FBXO43: variants seen among roughly 807,000 people sequenced by gnomAD.
FBXO43 encodes F-box protein 43.
A neutral mutation model predicts 56.7 loss-of-function variants in FBXO43; 22 were observed. The observed-to-expected ratio is 0.39, with a 90% CI of 0.28 to 0.55. The LOEUF is 0.55. FBXO43 is among the 20% of genes least tolerant of loss of function. The pLI, the probability that FBXO43 is intolerant of heterozygous loss-of-function variation, is 0.66. For missense variants in FBXO43, 733 were observed against 814.9 expected (o/e 0.90, Z 1.22); for synonymous variants, 306 against 294.5 (o/e 1.04, Z -0.40).
rs201387820 is a variant in FBXO43 at position 100,141,362 on chromosome 8, T to C, written c.892A>G (p.Ile298Val). Residue 298 changes from isoleucine (I) to valine (V), a missense_variant, in exon 2 of 5, where the codon ATA becomes GTA. Coordinates refer to ENST00000428847, the MANE Select transcript of FBXO43 (RefSeq NM_001029860.4). ...AGATTACTTATCGGAGTCACAAATATGTCCTCATCTGTTCCACAAGTTGTT... is the reference window on the plus strand; with the variant it reads ...AGATTACTTATCGGAGTCACAAATACGTCCTCATCTGTTCCACAAGTTGTT... Reference protein sequence around the residue: ...SGTTCGTDEDIFVTPISNLVA... With the variant: ...SGTTCGTDEDVFVTPISNLVA... 47 of 1,613,498 alleles carry C rather than the reference T, an allele frequency of 2.9e-5. 1 individual carries two copies. In the African/African-American group the frequency reaches 4.9e-4, roughly 17 times the overall value.
chr8:100,147,004 C>T (rs1251485171), upstream of FBXO43, among the ~76,000 whole-genome samples: 5 of 152,286 alleles, frequency 3.3e-5, no homozygotes, highest in East Asian at 1.9e-4. Flanking sequence ...CCCGCCACCA[C>T]GCCTAGCTAA....
At chr8:100,143,933 G>A (rs3133669) in intron 1 of FBXO43, among the ~76,000 whole-genome samples, 7,410 of 152,152 alleles carry the variant, frequency 0.049, 539 homozygotes, top group African/African-American at 0.15. Flanking sequence ...GACCACGCCC[G>A]GCTAATTTGT....
Position 100,141,103 on chromosome 8 carries a change from A to G in FBXO43, c.1151T>C (p.Leu384Pro). ...KTRHLGRSRR[L>P]STLREQSSQS... is the part of the protein sequence containing the mutation. ...CGAGCTTTGTTCCCGAAGGGTGGAC[A>G]GTCTTCTCGACCTTCCAAGATGTCT... The change falls in exon 2 of 5, where the codon CTG becomes CCG. Residue 384 changes from leucine to proline, a missense_variant. Coordinates refer to ENST00000428847, the MANE Select transcript of FBXO43 (RefSeq NM_001029860.4). 1.2e-6 allele frequency: 2 copies of G among 1,614,202 alleles called. No homozygotes were observed. The highest frequency in any genetic ancestry group is 1.7e-6 in the Non-Finnish European group (2 of 1,180,036).
Position 100,137,587 on chromosome 8 carries a change from G to A in FBXO43, c.1652C>T (p.Thr551Ile). 6.2e-7 allele frequency: 1 copy of A among 1,610,106 alleles called. No homozygotes were observed. The highest frequency in any genetic ancestry group is 8.5e-7 in the Non-Finnish European group (1 of 1,177,102). ...TACCTCAGAATCTGTTTTCAGTTGTGTGATATAAAATTTCCTCCTCCGATT... is the reference window on the plus strand; with the variant it reads ...TACCTCAGAATCTGTTTTCAGTTGTATGATATAAAATTTCCTCCTCCGATT... ...NANRRRKFYI[T>I]QLKTDSEGAV... The change falls in exon 3 of 5, where the codon ACA (threonine) becomes ATA (isoleucine). Residue 551 changes from threonine to isoleucine, a missense_variant. Coordinates refer to ENST00000428847, the MANE Select transcript of FBXO43 (RefSeq NM_001029860.4).
At chr8:100,143,648 T>TTAATA (rs61306972) in intron 1 of FBXO43, among the ~76,000 whole-genome samples, 65,250 of 151,746 alleles carry the variant, frequency 0.43, 14,747 homozygotes, top group East Asian at 0.61. Flanking sequence ...AAATATTAAA[T>TTAATA]AAGTAGAATG....
chr8:100,137,881 G>C (rs1017887698), intron 2 of FBXO43, among the ~76,000 whole-genome samples: 1 of 152,126 alleles, frequency 6.6e-6, no homozygotes, highest in Non-Finnish European at 1.5e-5. Context: ...GCAATATACA[G>C]ATAGATTACT....
chr8:100,144,673 C>G (rs1236769966), intron 1 of FBXO43, among the ~76,000 whole-genome samples: 1 of 149,630 alleles, frequency 6.7e-6, no homozygotes, highest in Non-Finnish European at 1.5e-5. Context: ...GGCTCACGCC[C>G]GTAATCCCAG....
At chr8:100,146,441 A>AT (rs1814833375), upstream of FBXO43, among the ~76,000 whole-genome samples, 2 of 152,228 alleles carry the variant, frequency 1.3e-5, no homozygotes. Flanking sequence ...CAAAAAAAAG[A>AT]TTTTTAAAAA....
At chr8:100,146,839 CA>C (rs1314381071), upstream of FBXO43, among the ~76,000 whole-genome samples, 1 of 152,178 alleles carries the variant, frequency 6.6e-6, no homozygotes, top group Non-Finnish European at 1.5e-5. Flanking sequence ...CTCAGTCATC[CA>C]AAACCAAACT....
chr8:100,141,040 G>A lies in FBXO43; in HGVS notation c.1214C>T (p.Pro405Leu). 1 of 1,614,222 alleles carries A rather than the reference G, an allele frequency of 6.2e-7. No individual in the cohort carries two copies. The highest frequency in any genetic ancestry group is 8.5e-7 in the Non-Finnish European group (1 of 1,180,036). The change falls in exon 2 of 5, where the codon CCT becomes CTT. Residue 405 changes from proline to leucine, a missense_variant. Physicochemically the swap from Pro to Leu is moderately conservative, Grantham distance 98. Coordinates refer to ENST00000428847, the MANE Select transcript of FBXO43 (RefSeq NM_001029860.4). ...AGCTGCTGCTCTTTTTTCAGAGTCA[G>A]GGTGGACAATCTGCTTTTCCTCTTC... is the stretch of plus-strand genomic sequence containing the variant. Reference protein sequence around the residue: ...ETEEEKQIVHPDSEKRAAAAS... With the variant: ...ETEEEKQIVHLDSEKRAAAAS...
In FBXO43 at chr8:100,141,022, G is replaced by A; in HGVS notation, c.1232C>T (p.Ala411Val). 1.9e-6 allele frequency: 3 copies of A among 1,614,220 alleles called. No individual in the cohort carries two copies. The highest frequency in any genetic ancestry group is 2.5e-6 in the Non-Finnish European group (3 of 1,180,042). The change falls in exon 2 of 5, where the codon GCA (alanine) becomes GTA (valine). Residue 411 changes from alanine (A) to valine (V), a missense_variant. Physicochemically the swap from Ala to Val is moderately conservative, Grantham distance 64 (BLOSUM62 0). Transcript: ENST00000428847. ...QIVHPDSEKR[A>V]AAASAISEGQ... is the part of the protein sequence containing the mutation. ...CTCTGAGATGGCAGAAGCAGCTGCT[G>A]CTCTTTTTTCAGAGTCAGGGTGGAC...
chr8:100,141,906 T>A lies in FBXO43; in HGVS notation c.348A>T (p.Thr116=), dbSNP rs1234461610. Residue 116 remains threonine, a synonymous_variant, in exon 2 of 5, where the codon ACA becomes ACT. Coordinates refer to ENST00000428847, the MANE Select transcript of FBXO43 (RefSeq NM_001029860.4). Reference sequence around the variant, plus strand: ...TTTGAGTGGGAGATTCTAAAGGATGTGTTAAGCCCAGGCCTGAAGTTTCAG... The same window carrying A: ...TTTGAGTGGGAGATTCTAAAGGATGAGTTAAGCCCAGGCCTGAAGTTTCAG... ...EHPETSGLGL[T]HPLESPTQKK... is the part of the protein sequence containing the mutation. 6.3e-7 allele frequency: 1 copy of A among 1,588,484 alleles called. No individual in the cohort carries two copies. The highest frequency in any genetic ancestry group is 1.4e-5 in the African/African-American group (1 of 73,376).
intron 1 of FBXO43, 164 bp downstream of exon 1, chr8:100,144,887 G>C (rs1287059358): frequency 4.4e-6 from 3 of 686,962 alleles, no homozygotes; most frequent in African/African-American, 3.9e-5. Context: ...AGCCGAGATC[G>C]CGCCACTGCA....
In FBXO43 at chr8:100,141,270, A is replaced by G. The variant is rs1474553924; in HGVS notation, c.984T>C (p.Ile328=). 1 of 1,614,138 alleles carries G rather than the reference A, an allele frequency of 6.2e-7. No homozygotes were observed. Among genetic ancestry groups the G allele is most frequent in the South Asian group, 1.1e-5 (1 of 91,078 alleles). The change falls in exon 2 of 5, where the codon ATT becomes ATC. Residue 328 remains isoleucine (I), a synonymous_variant. Transcript: ENST00000428847. ...LSPSPEVRGS[I]STPEDSGFNS... is the part of the protein sequence containing the mutation. The stretch of plus-strand genomic sequence containing the variant: ...TAAAACCACTGTCTTCAGGCGTTGA[A>G]ATACTGCCTCTCACTTCAGGTGAAG...
chr8:100,137,400 A>C, intron 3 of FBXO43, 165 bp downstream of exon 3: 1 of 557,062 alleles, frequency 1.8e-6, no homozygotes, highest in Admixed American at 3.5e-5. Flanking sequence ...TTCCATTTAC[A>C]GACTGGGTGA....
rs1814609989 is a variant in FBXO43 at position 100,140,671 on chromosome 8, C to T, written c.1571+12G>A. ...AAGAAGTTTTATTTCATAAACAACT[C>T]TTACTTCTTACCTGCATAGGCTCTC... On this transcript the variant is annotated intron_variant, in intron 2 of 4. Transcript: ENST00000428847. 10 of 1,542,876 alleles carry T rather than the reference C, an allele frequency of 6.5e-6. No homozygotes were observed. Among genetic ancestry groups the T allele is most frequent in the Non-Finnish European group, 8.7e-6 (10 of 1,150,732 alleles).
intron 3 of FBXO43, chr8:100,136,774 A>G (rs554153783): frequency 6.6e-6 from 1 of 152,356 alleles, no homozygotes; most frequent in African/African-American, 2.4e-5. Flanking sequence ...ACTCCTTTAA[A>G]TAACTCTGGG....
chr8:100,134,012 A>G lies in FBXO43; in HGVS notation c.1917T>C (p.Pro639=). 2 of 1,614,198 alleles carry G rather than the reference A, an allele frequency of 1.2e-6. No individual in the cohort carries two copies. Among genetic ancestry groups the G allele is most frequent in the Non-Finnish European group, 1.7e-6 (2 of 1,180,040 alleles). Reference sequence around the variant, plus strand: ...TAGCAGGGGACTGGCACCTTGGGCAAGGTTTTAATGCTTCATCAGTAAAAA... The same window carrying G: ...TAGCAGGGGACTGGCACCTTGGGCAGGGTTTTAATGCTTCATCAGTAAAAA... ...KTLFTDEALK[P]CPRCQSPAKY... is the part of the protein sequence containing the mutation. Residue 639 remains proline (P), a synonymous_variant, in exon 5 of 5, where the codon CCT becomes CCC. Transcript: ENST00000428847.
chr8:100,134,128 T>C (rs764363894), intron 4 of FBXO43, 33 bp downstream of exon 4: 2 of 1,602,862 alleles, frequency 1.2e-6, no homozygotes, highest in South Asian at 2.2e-5. Context: ...TAAATATTTA[T>C]TTCTAATAAC....
Sources: allele counts gnomAD v4.1 joint callset (sites outside exome capture counted in the v4.1 genomes callset), GRCh38; gene constraint gnomAD v4.1.1; transcripts MANE v1.5; gene names NCBI Gene and HGNC (gene_info 2026-07-23, HGNC 2026-07-21).